The following FGF14 variants were observed in gnomAD, a reference collection of about 807,000 sequenced individuals.
The protein encoded by FGF14 is fibroblast growth factor homologous factor 4.
A neutral mutation model predicts 25.5 loss-of-function variants in FGF14; 5 were observed. The observed-to-expected ratio is 0.20, with a 90% CI of 0.10 to 0.41. FGF14 has a LOEUF of 0.41. Ranked by LOEUF, FGF14 falls within the 10% of genes least tolerant of loss-of-function variation. The probability of loss-of-function intolerance (pLI) is 1.00; values close to 1 mark genes in which losing one functional copy is unlikely to be tolerated. For missense variants in FGF14, 222 were observed against 320.1 expected, an observed-to-expected ratio of 0.69 and a Z score of 2.34; for synonymous variants, 138 against 118.3, an observed-to-expected ratio of 1.17 and a Z score of -1.08.
chr13:102,225,695 G>A lies in FGF14; in HGVS notation c.208+175776C>T, dbSNP rs60600104. Among the ~76,000 whole-genome samples, 1,367 of 152,226 alleles carry A rather than the reference G, an allele frequency of 9.0e-3. 21 individuals are homozygous for A. The highest frequency in any genetic ancestry group is 0.03 in the African/African-American group (1,254 of 41,540). On this transcript the variant is annotated intron_variant, in intron 1 of 4. Transcript: ENST00000376131. ...TGATTCAAAAATGTTTATAAAAACT[G>A]TTTTGACTCTCAGCTCTGCAAAATA...
intron 1 of FGF14, among the ~76,000 whole-genome samples, chr13:101,953,385 G>T (rs2036296041): frequency 6.6e-6 from 1 of 152,078 alleles, no homozygotes; most frequent in Non-Finnish European, 1.5e-5. Context: ...CAGGGGATCT[G>T]GGAGCTGTTC....
rs2045214247 is a variant in FGF14, at chr13:102,111,333, T to C, written c.209-236037A>G. On this transcript the variant is annotated intron_variant, in intron 1 of 4. Transcript: ENST00000376131. ...AGCCTCAAAACTTAGCCTAGTGCTTTGGGCAGAGTTAAGTTTAAAATATAT... is the reference window on the plus strand; with the variant it reads ...AGCCTCAAAACTTAGCCTAGTGCTTCGGGCAGAGTTAAGTTTAAAATATAT... Among the ~76,000 whole-genome samples the C allele has an allele frequency of 6.6e-5, 10 of 152,220 alleles. No individual in the cohort carries two copies. The South Asian group carries it at 1.9e-3, about 28-fold the overall frequency.
chr13:102,308,477 C>T (rs1316867815), intron 1 of FGF14, among the ~76,000 whole-genome samples: 2 of 152,060 alleles, frequency 1.3e-5, no homozygotes, highest in Admixed American at 6.6e-5. Flanking sequence ...ATTTGGGTAA[C>T]ACCACGGCCC....
chr13:101,995,689 AGAG>A (rs1467084426), intron 1 of FGF14, among the ~76,000 whole-genome samples: 1 of 152,218 alleles, frequency 6.6e-6, no homozygotes, highest in Admixed American at 6.5e-5. Flanking sequence ...GTGCCACAGA[AGAG>A]GAGAGAAGAG....
chr13:101,988,548 T>C (rs924499495), intron 1 of FGF14, among the ~76,000 whole-genome samples: 1 of 151,950 alleles, frequency 6.6e-6, no homozygotes, highest in Non-Finnish European at 1.5e-5. Context: ...GAGTTCATGT[T>C]CTTTGTAGGG....
intron 1 of FGF14, among the ~76,000 whole-genome samples, chr13:102,024,245 A>T (rs1368054405): frequency 6.6e-6 from 1 of 152,074 alleles, no homozygotes; most frequent in East Asian, 1.9e-4. Flanking sequence ...TCTGCCAGCA[A>T]CGCATGAGGA....
chr13:101,927,617 T>A (rs1471467586), intron 1 of FGF14, among the ~76,000 whole-genome samples: 1 of 152,218 alleles, frequency 6.6e-6, no homozygotes, highest in African/African-American at 2.4e-5. Flanking sequence ...TCAAATACTC[T>A]AATTCCCAGC....
chr13:101,824,770 C>T (rs1302808117), intron 3 of FGF14, among the ~76,000 whole-genome samples: 2 of 152,136 alleles, frequency 1.3e-5, no homozygotes, highest in Non-Finnish European at 2.9e-5. Context: ...GGCCTCATTC[C>T]TAACCTCCAA....
chr13:101,809,297 T>C (rs2041366967), intron 3 of FGF14, among the ~76,000 whole-genome samples: 1 of 152,132 alleles, frequency 6.6e-6, no homozygotes, highest in Non-Finnish European at 1.5e-5. Flanking sequence ...GAACACATGA[T>C]TAAAAATCTT....
At chr13:101,734,727 C>T (rs909893480) in intron 3 of FGF14, among the ~76,000 whole-genome samples, 8 of 152,034 alleles carry the variant, frequency 5.3e-5, no homozygotes, top group Middle Eastern at 3.2e-3. Flanking sequence ...CTAATTTAAC[C>T]CTCACCATAA....
intron 1 of FGF14, among the ~76,000 whole-genome samples, chr13:101,990,585 A>C (rs1376131289): frequency 6.6e-6 from 1 of 152,010 alleles, no homozygotes; most frequent in Admixed American, 6.6e-5. Flanking sequence ...GGAGGACTTG[A>C]TCATGAGGTT....
chr13:102,128,656 G>A (rs778934033), intron 1 of FGF14, among the ~76,000 whole-genome samples: 9 of 152,170 alleles, frequency 5.9e-5, no homozygotes, highest in Non-Finnish European at 1.0e-4. Flanking sequence ...GAAGCATGAA[G>A]CTCATTCTAG....
chr13:102,307,269 C>T (rs972089446), intron 1 of FGF14, among the ~76,000 whole-genome samples: 1 of 152,126 alleles, frequency 6.6e-6, no homozygotes, highest in African/African-American at 2.4e-5. Flanking sequence ...TGTCTGAGAA[C>T]CTCCGGAAAG....
intron 1 of FGF14, among the ~76,000 whole-genome samples, chr13:101,978,940 T>C (rs2038090355): frequency 6.6e-6 from 1 of 152,106 alleles, no homozygotes; most frequent in South Asian, 2.1e-4. Flanking sequence ...CATGGTGTGA[T>C]GGAATTCCAA....
At chr13:102,242,673 T>A (rs561050673) in intron 1 of FGF14, among the ~76,000 whole-genome samples, 2 of 152,116 alleles carry the variant, frequency 1.3e-5, no homozygotes, top group African/African-American at 4.8e-5. Context: ...CACAGCTGCA[T>A]TGGGGATTCA....
chr13:102,242,926 T>C (rs7996616), intron 1 of FGF14, among the ~76,000 whole-genome samples: 11,905 of 152,174 alleles, frequency 0.078, 744 homozygotes, highest in African/African-American at 0.17. Flanking sequence ...CTAGAAACTA[T>C]ATTTCCAGGC....
intron 2 of FGF14, among the ~76,000 whole-genome samples, chr13:101,873,545 C>T (rs550552530): frequency 6.6e-6 from 1 of 152,152 alleles, no homozygotes; most frequent in East Asian, 1.9e-4. Context: ...AATGAGAGAA[C>T]ACTGAAGACA....
At chr13:101,816,372 C>G (rs1393081981) in intron 3 of FGF14, among the ~76,000 whole-genome samples, 1 of 151,678 alleles carries the variant, frequency 6.6e-6, no homozygotes, top group Admixed American at 6.6e-5. Context: ...ACTTCTTGCT[C>G]TCCCTCCCCC....
chr13:101,774,770 G>A lies in FGF14; in HGVS notation c.409-47960C>T, dbSNP rs553603331. Among the ~76,000 whole-genome samples the A allele has an allele frequency of 3.3e-5, 5 of 152,028 alleles. No homozygotes were observed. In the East Asian group the frequency reaches 9.7e-4, roughly 30 times the overall value. On this transcript the variant is annotated intron_variant, in intron 3 of 4. Coordinates refer to ENST00000376143, the MANE Select transcript of FGF14 (RefSeq NM_004115.4). ...ACATGAGCTTAAAAAGGATTGGAAA[G>A]GGCCAGGCACGGTGGCTCATGCCTG...
Sources: gnomAD v4.1 joint callset for allele counts (sites outside exome capture counted in the v4.1 genomes callset) on GRCh38, gnomAD v4.1.1 for gene constraint, MANE v1.5 for transcripts, NCBI Gene and HGNC (gene_info 2026-07-23, HGNC 2026-07-21) for gene names.